Variants in DOCK9 observed in about 807,000 individuals in gnomAD.
DOCK9 encodes dedicator of cytokinesis protein 9.
In DOCK9, 89 loss-of-function variants were observed where a neutral mutation model predicts 263.3. The ratio of observed to expected loss-of-function variants is 0.34; its 90% CI spans 0.28 to 0.40. DOCK9 has a LOEUF of 0.40. DOCK9 is among the 10% of genes least tolerant of loss of function. The pLI is 1.00. For synonymous variants in DOCK9, 976 were observed against 973.1 expected (o/e 1.00, Z -0.06); for missense variants, 2,140 against 2,603.4 (o/e 0.82, Z 3.87).
intron 45 of DOCK9, among the ~76,000 whole-genome samples, chr13:98,812,735 C>T (rs1301763634): frequency 6.6e-6 from 1 of 151,990 alleles, no homozygotes; most frequent in Non-Finnish European, 1.5e-5. Flanking sequence ...GGCTTTACAT[C>T]TAACCCACAG....
intron 27 of DOCK9, among the ~76,000 whole-genome samples, chr13:98,874,371 A>G (rs2094272242): frequency 6.6e-6 from 1 of 152,214 alleles, no homozygotes; most frequent in African/African-American, 2.4e-5. Context: ...AGTTACCACA[A>G]TTTGTGTATC....
At chr13:98,998,368 TCTA>T in intron 1 of DOCK9, among the ~76,000 whole-genome samples, 1 of 152,164 alleles carries the variant, frequency 6.6e-6, no homozygotes, top group Non-Finnish European at 1.5e-5. Context: ...TGATTATTTG[TCTA>T]GGCATAGAGA....
chr13:99,070,092 G>A (rs760173342), intron 1 of DOCK9, among the ~76,000 whole-genome samples: 2 of 152,266 alleles, frequency 1.3e-5, no homozygotes, highest in Non-Finnish European at 1.5e-5. Flanking sequence ...CCGCCTCTAT[G>A]AGCATTTAAT....
At chr13:98,950,644 G>C (rs560639236) in intron 2 of DOCK9, among the ~76,000 whole-genome samples, 131 of 152,262 alleles carry the variant, frequency 8.6e-4, no homozygotes, top group Non-Finnish European at 1.3e-3. Flanking sequence ...TCTGTCCTCT[G>C]TTTGTTTACA....
At chr13:99,080,127 T>C (rs991231719) in intron 1 of DOCK9, among the ~76,000 whole-genome samples, 1 of 152,216 alleles carries the variant, frequency 6.6e-6, no homozygotes, top group African/African-American at 2.4e-5. Flanking sequence ...ATTTTACAAA[T>C]AACTCTTATA....
At chr13:98,801,032 A>T (rs1566515382) in intron 49 of DOCK9, among the ~76,000 whole-genome samples, 1 of 152,246 alleles carries the variant, frequency 6.6e-6, no homozygotes, top group African/African-American at 2.4e-5. Context: ...TAATCTTAGC[A>T]CTTTGGGAGG....
At chr13:99,028,679 T>TA (rs1346065557) in intron 1 of DOCK9, among the ~76,000 whole-genome samples, 2 of 152,166 alleles carry the variant, frequency 1.3e-5, no homozygotes, top group Admixed American at 6.5e-5. Flanking sequence ...GAACTTTAAT[T>TA]AAATTTAAGG....
intron 9 of DOCK9, among the ~76,000 whole-genome samples, chr13:98,910,728 C>T (rs1225097590): frequency 2.0e-5 from 3 of 152,156 alleles, no homozygotes; most frequent in Non-Finnish European, 2.9e-5. Flanking sequence ...CCTCATTGTT[C>T]TAGGCCCTTC....
intron 1 of DOCK9, among the ~76,000 whole-genome samples, chr13:98,960,879 C>T (rs1205823256): frequency 6.6e-6 from 1 of 152,214 alleles, no homozygotes; most frequent in African/African-American, 2.4e-5. Context: ...AGAAACAAGG[C>T]CGGTACTGAG....
intron 1 of DOCK9, among the ~76,000 whole-genome samples, chr13:99,052,765 T>G (rs1213606401): frequency 2.6e-5 from 4 of 151,064 alleles, no homozygotes; most frequent in Non-Finnish European, 4.4e-5. Flanking sequence ...CACACCAGCC[T>G]TCTTTTTTTT....
At chr13:98,927,499 T>C (rs1263490734) in intron 3 of DOCK9, among the ~76,000 whole-genome samples, 1 of 152,336 alleles carries the variant, frequency 6.6e-6, no homozygotes, top group African/African-American at 2.4e-5. Context: ...CCACCAAGTC[T>C]CCTGCAGGAC....
intron 15 of DOCK9, among the ~76,000 whole-genome samples, chr13:98,894,457 C>A (rs191262864): frequency 5.7e-4 from 87 of 152,206 alleles, no homozygotes; most frequent in African/African-American, 2.0e-3. Flanking sequence ...TCTTCATTTA[C>A]ATACAAAAGA....
chr13:98,895,141 T>G (rs2047212305), intron 15 of DOCK9, among the ~76,000 whole-genome samples: 1 of 66,850 alleles, frequency 1.5e-5, no homozygotes. Flanking sequence ...CGAGACTCCA[T>G]CTCGGAAAAA....
intron 1 of DOCK9, among the ~76,000 whole-genome samples, chr13:99,036,834 G>A (rs760588910): frequency 2.6e-5 from 4 of 152,118 alleles, no homozygotes; most frequent in African/African-American, 4.8e-5. Context: ...CACTGTGCCC[G>A]GCCAATGGGA....
At chr13:98,890,083 TTG>T (rs1171584032) in intron 15 of DOCK9, among the ~76,000 whole-genome samples, 2 of 152,212 alleles carry the variant, frequency 1.3e-5, no homozygotes, top group Non-Finnish European at 2.9e-5. Context: ...TTTCATCGTA[TTG>T]TGTTTGAGCT....
Position 99,045,731 on chromosome 13 carries a change from A to G in DOCK9, c.129+40492T>C, listed in dbSNP as rs370817788. On this transcript the variant is annotated intron_variant, in intron 1 of 32. Coordinates refer to the DOCK9 transcript ENST00000427887. ...CTAAATATACGGAATTTTTGTCAAA[A>G]AATGCATATATAAAAAGAGATGCCT... 1.6e-3 allele frequency among the ~76,000 whole-genome samples: 246 copies of G among 152,256 alleles called. 8 individuals carry two copies. In the South Asian group the frequency reaches 0.048, roughly 30 times the overall value.
intron 1 of DOCK9, among the ~76,000 whole-genome samples, chr13:99,082,655 T>C (rs953489450): frequency 1.3e-5 from 2 of 152,164 alleles, no homozygotes; most frequent in African/African-American, 4.8e-5. Flanking sequence ...AGCAGGAACC[T>C]TGAAGTTCAG....
rs576841879 is a variant in DOCK9 at position 98,823,100 on chromosome 13, C to T, written c.5130+1298G>A. On this transcript the variant is annotated intron_variant, in intron 45 of 52. Coordinates refer to ENST00000682017, the MANE Select transcript of DOCK9 (RefSeq NM_001366683.2). ...AGCCTATTACATATTTTAAAAATAG[C>T]ATTTGTAAATAAAAAAGGATATTTT... Among the ~76,000 whole-genome samples the T allele has an allele frequency of 4.1e-4, 61 of 149,898 alleles. 1 individual carries two copies. Among genetic ancestry groups the T allele is most frequent in the Admixed American group, 4.0e-3 (60 of 14,998 alleles).
chr13:98,896,848 T>A (rs1012034856), intron 15 of DOCK9, among the ~76,000 whole-genome samples: 2 of 152,218 alleles, frequency 1.3e-5, no homozygotes, highest in Non-Finnish European at 2.9e-5. Context: ...CAACCCTTTG[T>A]ACCTATAAAT....
Sources: gnomAD v4.1 joint callset for allele counts (sites outside exome capture counted in the v4.1 genomes callset) on GRCh38, gnomAD v4.1.1 for gene constraint, MANE v1.5 for transcripts, NCBI Gene and HGNC (gene_info 2026-07-23, HGNC 2026-07-21) for gene names.